The following LRRC4C variants were observed in gnomAD, a reference collection of about 807,000 sequenced individuals.
The protein encoded by LRRC4C is leucine rich repeat containing 4C.
In LRRC4C, 5 loss-of-function variants were observed where a neutral mutation model predicts 33.6. The ratio of observed to expected loss-of-function variants is 0.15; its 90% CI spans 0.08 to 0.31. The LOEUF (loss-of-function observed/expected upper bound fraction) is 0.31, where lower values mean the gene tolerates loss of function less well. Ranked by LOEUF, LRRC4C falls within the 10% of genes least tolerant of loss-of-function variation. LRRC4C has a pLI of 1.00. For synonymous variants in LRRC4C, 329 were observed against 302.0 expected (o/e 1.09, Z -0.93); for missense variants, 560 against 796.7 (o/e 0.70, Z 3.58).
At chr11:40,453,512 T>C (rs1951989795) in intron 3 of LRRC4C, among the ~76,000 whole-genome samples, 1 of 151,440 alleles carries the variant, frequency 6.6e-6, no homozygotes, top group Non-Finnish European at 1.5e-5. Context: ...ACAATCCCAA[T>C]GAATATAAAA....
At chr11:41,138,374 CA>C (rs1189643425) in intron 1 of LRRC4C, among the ~76,000 whole-genome samples, 1 of 152,150 alleles carries the variant, frequency 6.6e-6, no homozygotes, top group African/African-American at 2.4e-5. Context: ...AGGTTATAAT[CA>C]GTGTGGTCTC....
chr11:40,633,365 CTTTCTT>C lies in LRRC4C; in HGVS notation c.-270+14771_-270+14776del, dbSNP rs1565580966. Among the ~76,000 whole-genome samples the C allele has an allele frequency of 4.4e-4, 19 of 43,278 alleles. 2 individuals carry two copies. The highest frequency in any genetic ancestry group is 1.8e-3 in the African/African-American group (13 of 7,386). 28.4% of individuals were successfully genotyped at this position (43,278 alleles called of 152,430 possible). ...TCTTTCTTTCTTTCTTTCTTTCTTTCTTTCTTTCTCTCTCTTTCTTTCTTTCTTTCT... is the reference window on the plus strand; with the variant it reads ...TCTTTCTTTCTTTCTTTCTTTCTTTCTCTCTCTCTTTCTTTCTTTCTTTCT... On this transcript the variant is annotated intron_variant, in intron 3 of 6. Coordinates refer to ENST00000528697, the MANE Select transcript of LRRC4C (RefSeq NM_001258419.2).
intron 1 of LRRC4C, among the ~76,000 whole-genome samples, chr11:41,302,255 A>C (rs1234877275): frequency 1.3e-5 from 2 of 152,354 alleles, no homozygotes; most frequent in Middle Eastern, 3.4e-3. Flanking sequence ...TTTGAGAGGA[A>C]ATGTGGAATG....
intron 1 of LRRC4C, among the ~76,000 whole-genome samples, chr11:41,183,144 G>A (rs2136166701): frequency 6.6e-6 from 1 of 152,122 alleles, no homozygotes; most frequent in Non-Finnish European, 1.5e-5. Flanking sequence ...AGATTTGGCT[G>A]GGGACACAGC....
chr11:40,931,132 C>T (rs1023170632), intron 2 of LRRC4C, among the ~76,000 whole-genome samples: 2 of 152,116 alleles, frequency 1.3e-5, no homozygotes, highest in Non-Finnish European at 2.9e-5. Context: ...TCTGCTGATC[C>T]ATATGAGTTA....
chr11:40,499,814 G>A (rs1954653597), intron 3 of LRRC4C, among the ~76,000 whole-genome samples: 1 of 152,060 alleles, frequency 6.6e-6, no homozygotes, highest in Admixed American at 6.6e-5. Context: ...CAAACAAGCT[G>A]GACCAACAAC....
rs530545488 is a variant in LRRC4C at position 40,229,219 on chromosome 11, T to C, written c.-96+12300A>G. On this transcript the variant is annotated intron_variant, in intron 5 of 6. Transcript: ENST00000528697. ...TCTGTAACTATTGCAATATACTATTTAAAACCCCACATTTTAAAGTCATTT... is the reference window on the plus strand; with the variant it reads ...TCTGTAACTATTGCAATATACTATTCAAAACCCCACATTTTAAAGTCATTT... Among the ~76,000 whole-genome samples the C allele has an allele frequency of 5.9e-4, 90 of 152,286 alleles. 1 individual carries two copies. The highest frequency in any genetic ancestry group is 1.1e-3 in the Non-Finnish European group (72 of 68,020).
At chr11:41,107,869 G>A (rs894152711) in intron 1 of LRRC4C, among the ~76,000 whole-genome samples, 3 of 151,970 alleles carry the variant, frequency 2.0e-5, no homozygotes, top group African/African-American at 2.4e-5. Flanking sequence ...AATGGGAGGC[G>A]GAGTTTGCTG....
At chr11:40,156,231 C>G (rs1379323034) in intron 5 of LRRC4C, among the ~76,000 whole-genome samples, 3 of 152,006 alleles carry the variant, frequency 2.0e-5, no homozygotes, top group African/African-American at 7.3e-5. Context: ...TATGACAAAC[C>G]CACAGCCAAC....
chr11:40,181,466 G>T (rs1860997977), intron 5 of LRRC4C, among the ~76,000 whole-genome samples: 1 of 152,084 alleles, frequency 6.6e-6, no homozygotes, highest in African/African-American at 2.4e-5. Flanking sequence ...TACCCCTCAG[G>T]CACATGGGGT....
chr11:40,205,013 T>A (rs1863040669), intron 5 of LRRC4C, among the ~76,000 whole-genome samples: 1 of 152,220 alleles, frequency 6.6e-6, no homozygotes, highest in African/African-American at 2.4e-5. Flanking sequence ...CTGATCATGG[T>A]TCTACCCTTG....
intron 1 of LRRC4C, among the ~76,000 whole-genome samples, chr11:41,038,075 C>G (rs1398557105): frequency 6.6e-6 from 1 of 152,192 alleles, no homozygotes; most frequent in African/African-American, 2.4e-5. Flanking sequence ...TCTAAAAACA[C>G]TGGGAATGGA....
chr11:40,498,771 G>T (rs1026018906), intron 3 of LRRC4C, among the ~76,000 whole-genome samples: 13 of 152,018 alleles, frequency 8.6e-5, no homozygotes, highest in African/African-American at 3.1e-4. Flanking sequence ...TTTATAAGAT[G>T]GTGTCACTTA....
intron 3 of LRRC4C, among the ~76,000 whole-genome samples, chr11:40,402,130 G>T (rs552681418): frequency 2.6e-5 from 4 of 152,058 alleles, no homozygotes; most frequent in Admixed American, 1.3e-4. Context: ...AAAGGAAAAG[G>T]GTTCAAAGAC....
At chr11:41,241,310 A>G (rs1039586248) in intron 1 of LRRC4C, among the ~76,000 whole-genome samples, 4 of 152,152 alleles carry the variant, frequency 2.6e-5, no homozygotes, top group African/African-American at 7.2e-5. Flanking sequence ...GTTCCCTAGA[A>G]TAACTAACCA....
intron 1 of LRRC4C, among the ~76,000 whole-genome samples, chr11:41,187,269 GTC>G (rs1945736138): frequency 1.3e-5 from 2 of 152,238 alleles, no homozygotes; most frequent in East Asian, 3.9e-4. Flanking sequence ...CCCATTATGT[GTC>G]TGTACAAATC....
intron 1 of LRRC4C, among the ~76,000 whole-genome samples, chr11:41,004,184 G>T (rs374222812): frequency 1.6e-4 from 24 of 152,034 alleles, no homozygotes; most frequent in African/African-American, 5.6e-4. Flanking sequence ...ATTTAGCAAT[G>T]TCCTCTTTTC....
intron 3 of LRRC4C, among the ~76,000 whole-genome samples, chr11:40,592,969 A>G (rs181998280): frequency 6.6e-6 from 1 of 152,346 alleles, no homozygotes; most frequent in East Asian, 1.9e-4. Context: ...CCTTGAACTA[A>G]TACAGCAGAA....
At chr11:41,175,412 T>C (rs1945156032) in intron 1 of LRRC4C, among the ~76,000 whole-genome samples, 1 of 152,142 alleles carries the variant, frequency 6.6e-6, no homozygotes, top group Non-Finnish European at 1.5e-5. Context: ...TCATGCAAAC[T>C]ACATGTCTAA....
Sources: gnomAD v4.1 joint callset for allele counts (sites outside exome capture counted in the v4.1 genomes callset) on GRCh38, gnomAD v4.1.1 for gene constraint, MANE v1.5 for transcripts, NCBI Gene and HGNC (gene_info 2026-07-23, HGNC 2026-07-21) for gene names.